The following TGM7 variants were observed in gnomAD, a reference collection of about 807,000 sequenced individuals.
TGM7 encodes protein-glutamine gamma-glutamyltransferase Z.
TGM7 carries 74 observed loss-of-function variants against 79.5 expected under a neutral mutation model. The ratio of observed to expected loss-of-function variants is 0.93; its 90% confidence interval spans 0.77 to 1.13. TGM7 has a LOEUF of 1.13. TGM7 is among the 50% of genes most tolerant of loss of function. The probability of loss-of-function intolerance (pLI) is 0.00; values close to 1 mark genes in which losing one functional copy is unlikely to be tolerated. For missense variants in TGM7, 912 were observed against 905.9 expected, an observed-to-expected ratio of 1.01 and a Z score of -0.09; for synonymous variants, 354 against 362.5, an observed-to-expected ratio of 0.98 and a Z score of 0.27.
intron 11 of TGM7, 111 bp from the exon 12 acceptor site, chr15:43,277,106 A>T (rs1158295025): frequency 2.1e-6 from 3 of 1,404,132 alleles, no homozygotes; most frequent in Non-Finnish European, 2.9e-6. Flanking sequence ...TGCGGCTTAG[A>T]GCTAATGTGC....
intron 11 of TGM7, among the ~76,000 whole-genome samples, 183 bp downstream of exon 11, chr15:43,278,934 C>T (rs2042891296): frequency 6.6e-6 from 1 of 152,186 alleles, no homozygotes; most frequent in Admixed American, 6.5e-5. Context: ...ATAGCACGTC[C>T]TTTGAGAAGC....
intron 4 of TGM7, among the ~76,000 whole-genome samples, chr15:43,290,982 C>G (rs1430055435): frequency 6.6e-6 from 1 of 152,194 alleles, no homozygotes; most frequent in Admixed American, 6.5e-5. Context: ...TTGGGGTTTT[C>G]TAGATATACA....
chr15:43,282,663 GT>G, intron 7 of TGM7, 43 bp from the exon 8 acceptor site: 1 of 1,485,856 alleles, frequency 6.7e-7, no homozygotes, highest in South Asian at 1.2e-5. Context: ...GTTAGCTGAG[GT>G]TTTGCCAGGT....
chr15:43,287,562 C>A lies in TGM7; in HGVS notation c.666G>T (p.Val222=). The A allele has an allele frequency of 1.9e-6, 3 of 1,614,048 alleles. No individual in the cohort carries two copies. Among genetic ancestry groups the A allele is most frequent in the Non-Finnish European group, 2.5e-6 (3 of 1,179,936 alleles). Reference sequence around the variant, plus strand: ...TTACCATGGCACTCACCACCCTGCACACATACACCACGTCGTTCCGCTGGG... The same window carrying A: ...TTACCATGGCACTCACCACCCTGCAAACATACACCACGTCGTTCCGCTGGG... The part of the protein sequence containing the change: ...DCSQRNDVVY[V]CRVVSAMINS... Residue 222 remains valine, a synonymous_variant, in exon 5 of 13, where the codon GTG becomes GTT. Transcript: ENST00000452443.
At chr15:43,282,112 T>TG (rs756473809) in intron 8 of TGM7, 26 bp from the exon 9 acceptor site, 1 of 1,610,080 alleles carries the variant, frequency 6.2e-7, no homozygotes, top group Non-Finnish European at 8.5e-7. Flanking sequence ...GCTACTGATA[T>TG]GGGGGCCAGG....
At chr15:43,286,936 GC>G (rs955387747) in intron 6 of TGM7, among the ~76,000 whole-genome samples, 9 of 152,160 alleles carry the variant, frequency 5.9e-5, no homozygotes, top group South Asian at 4.2e-4. Context: ...ACTTCCACCT[GC>G]CCCCCCATGC....
In TGM7 at chr15:43,292,836, G is replaced by C; in HGVS notation, c.312C>G (p.Ser104=). 1 of 1,614,118 alleles carries C rather than the reference G, an allele frequency of 6.2e-7. No individual in the cohort carries two copies. The highest frequency in any genetic ancestry group is 8.5e-7 in the Non-Finnish European group (1 of 1,180,036). The change falls in exon 3 of 13, where the codon TCC becomes TCG. Residue 104 remains serine (S), a synonymous_variant. Coordinates refer to ENST00000452443, the MANE Select transcript of TGM7 (RefSeq NM_052955.3). ...TAACTGCATTGGCTGGTGTGAAAAG[G>C]GAAACTTGGAGAGAGTTGGAGTCAA... ...FTIDSNSLQV[S]LFTPANAVIG...
At chr15:43,279,402 C>G (rs2042894759) in intron 10 of TGM7, 125 bp from the exon 11 acceptor site, 2 of 1,208,704 alleles carry the variant, frequency 1.7e-6, no homozygotes, top group African/African-American at 1.5e-5. Context: ...GAGAGACAGA[C>G]AGACAGCGTC....
chr15:43,285,106 A>T (rs748984409), intron 6 of TGM7, among the ~76,000 whole-genome samples, 154 bp from the exon 7 acceptor site: 4 of 152,188 alleles, frequency 2.6e-5, no homozygotes, highest in Non-Finnish European at 4.4e-5. Flanking sequence ...CCCCACACCC[A>T]GTCCCACAGC....
intron 8 of TGM7, 149 bp downstream of exon 8, chr15:43,282,368 G>A: frequency 2.5e-6 from 2 of 796,392 alleles, no homozygotes; most frequent in Non-Finnish European, 4.0e-6. Flanking sequence ...GGTAGAGTTA[G>A]ATTCCTGATC....
chr15:43,287,591 A>C lies in TGM7; in HGVS notation c.637T>G (p.Cys213Gly). ...TACACCACGTCGTTCCGCTGGGAAC[A>C]GTCTTTGGCCGGGTTCTTTAAGTGA... ...LYHLKNPAKD[C>G]SQRNDVVYVC... Residue 213 changes from cysteine to glycine, a missense_variant, in exon 5 of 13, where the codon TGT (cysteine) becomes GGT (glycine). Cys to Gly is a radical substitution (Grantham distance 159). Coordinates refer to ENST00000452443, the MANE Select transcript of TGM7 (RefSeq NM_052955.3). 1 of 1,614,214 alleles carries C rather than the reference A, an allele frequency of 6.2e-7. No homozygotes were observed. The highest frequency in any genetic ancestry group is 8.5e-7 in the Non-Finnish European group (1 of 1,180,038).
At chr15:43,290,538 G>T (rs2042958722) in intron 4 of TGM7, among the ~76,000 whole-genome samples, 1 of 152,284 alleles carries the variant, frequency 6.6e-6, no homozygotes, top group African/African-American at 2.4e-5. Context: ...GGATTGACTT[G>T]GCAATGCAGG....
At chr15:43,301,029 C>T (rs1022230952) in intron 1 of TGM7, among the ~76,000 whole-genome samples, 30 of 152,024 alleles carry the variant, frequency 2.0e-4, no homozygotes, top group Admixed American at 9.2e-4. Context: ...TCTCCCAGGC[C>T]GGAGTGCAGT....
chr15:43,299,617 G>A (rs1332389772), intron 1 of TGM7, among the ~76,000 whole-genome samples: 1 of 152,152 alleles, frequency 6.6e-6, no homozygotes. Flanking sequence ...TCTATCCAGT[G>A]CAGCTGGCAT....
intron 6 of TGM7, 72 bp downstream of exon 6, chr15:43,287,208 C>A (rs2042939484): frequency 4.6e-6 from 7 of 1,525,316 alleles, no homozygotes; most frequent in Non-Finnish European, 6.2e-6. Flanking sequence ...GCTACTGAAC[C>A]TTTATGAGCC....
intron 7 of TGM7, among the ~76,000 whole-genome samples, chr15:43,283,998 A>G (rs918017007): frequency 2.0e-5 from 3 of 152,198 alleles, no homozygotes; most frequent in Non-Finnish European, 4.4e-5. Context: ...ATCTGAGGTC[A>G]AGAGTTCGAG....
At chr15:43,282,862 AAC>A (rs1355222004) in intron 7 of TGM7, among the ~76,000 whole-genome samples, 2 of 152,178 alleles carry the variant, frequency 1.3e-5, no homozygotes, top group African/African-American at 2.4e-5. Flanking sequence ...CATCCTGGCT[AAC>A]ACAGTGAAAC....
At chr15:43,296,197 G>A (rs1302656192) in intron 1 of TGM7, among the ~76,000 whole-genome samples, 3 of 152,138 alleles carry the variant, frequency 2.0e-5, no homozygotes, top group African/African-American at 7.2e-5. Flanking sequence ...AGGCCAAGGC[G>A]GGCAGATCAC....
chr15:43,279,582 T>A (rs1266328662), intron 10 of TGM7, 43 bp downstream of exon 10: 1 of 1,527,580 alleles, frequency 6.5e-7, no homozygotes, highest in Middle Eastern at 1.8e-4. Flanking sequence ...GACCCACAGC[T>A]CCCCTCCCTG....
Sources: allele counts gnomAD v4.1 joint callset (sites outside exome capture counted in the v4.1 genomes callset), GRCh38; gene constraint gnomAD v4.1.1; transcripts MANE v1.5; gene names NCBI Gene and HGNC (gene_info 2026-07-23, HGNC 2026-07-21).